The following DNAH2 variants were observed in gnomAD, a reference collection of about 807,000 sequenced individuals.
DNAH2 encodes axonemal beta dynein heavy chain 2.
Under a neutral mutation model 523.5 loss-of-function variants are expected in DNAH2, and 323 were observed. That is an observed-to-expected ratio of 0.62 (90% CI 0.56 to 0.68). The LOEUF is 0.68. Ranked by LOEUF, DNAH2 falls within the 30% of genes least tolerant of loss-of-function variation. The pLI, the probability that DNAH2 is intolerant of heterozygous loss-of-function variation, is 0.00. For missense variants in DNAH2, 4,907 were observed against 5,701.5 expected (o/e 0.86, Z 4.49); for synonymous variants, 2,093 against 2,177.4 (o/e 0.96, Z 1.08).
Position 7,807,438 on chromosome 17 carries a change from G to T in DNAH2, c.9613-32G>T, listed in dbSNP as rs1597726397. On this transcript the variant is annotated intron_variant, in intron 62 of 85. Transcript: ENST00000572933. The surrounding 1 kb of genome is among the most constrained non-coding windows in gnomAD (Gnocchi z 5.6). The stretch of plus-strand genomic sequence containing the variant: ...GGTGAGGGGGTTGGTGGGTTGGTGG[G>T]CGACTCCCACAGCCTGACTGTCTCC... 1.2e-6 allele frequency: 2 copies of T among 1,611,080 alleles called. No homozygotes were observed. Among genetic ancestry groups the T allele is most frequent in the Non-Finnish European group, 8.5e-7 (1 of 1,179,284 alleles).
chr17:7,816,133 A>G (rs1190479460), intron 63 of DNAH2, among the ~76,000 whole-genome samples: 1 of 152,038 alleles, frequency 6.6e-6, no homozygotes, highest in Non-Finnish European at 1.5e-5. Context: ...TCCCTCTAAC[A>G]GCTCTTGGGT....
At position 7,725,440 on chromosome 17, in the gene DNAH2, A is replaced by ATATATATATATATATATATATATT. The variant is rs958458949; in HGVS notation, c.229-1681_229-1680insATATATATATATATATATATATTT. ...ACTTCAAGTGAATATATATATATAT[A>ATATATATATATATATATATATATT]TTTTCTTTTTGAGACAGAGTCTTGC... On this transcript the variant is annotated intron_variant, in intron 3 of 85. Coordinates refer to ENST00000572933, the MANE Select transcript of DNAH2 (RefSeq NM_020877.5). Among the ~76,000 whole-genome samples, 111 of 130,584 alleles carry ATATATATATATATATATATATATT rather than the reference A, an allele frequency of 8.5e-4. 2 individuals carry two copies. Among genetic ancestry groups the ATATATATATATATATATATATATT allele is most frequent in the African/African-American group, 2.9e-3 (103 of 35,508 alleles). 85.7% of individuals were successfully genotyped at this position (130,584 alleles called of 152,430 possible). A position where few individuals can be genotyped will look rare whatever the true frequency, so the allele number is the denominator to read the frequency against.
chr17:7,735,804 G>A (rs181181601), intron 7 of DNAH2, among the ~76,000 whole-genome samples: 173 of 152,064 alleles, frequency 1.1e-3, no homozygotes, highest in Middle Eastern at 6.8e-3. Flanking sequence ...CCAGGCTGGA[G>A]TGCAGTAGCG....
intron 67 of DNAH2, 23 bp downstream of exon 67, chr17:7,817,879 T>TA: frequency 1.9e-6 from 3 of 1,609,534 alleles, no homozygotes; most frequent in Non-Finnish European, 2.5e-6. Flanking sequence ...GGGGTCAGGT[T>TA]AGCCCCCCCC....
At position 7,818,965 on chromosome 17, in the gene DNAH2, G is replaced by A. The variant is rs1306729248; in HGVS notation, c.10717G>A (p.Val3573Met). 6.2e-7 allele frequency: 1 copy of A among 1,612,372 alleles called. No individual in the cohort carries two copies. The highest frequency in any genetic ancestry group is 8.5e-7 in the Non-Finnish European group (1 of 1,179,958). Residue 3573 changes from valine (V) to methionine (M), a missense_variant, in exon 71 of 86, where the codon GTG becomes ATG. Around this residue, in one of 3 missense-constraint regions of DNAH2, gnomAD observed 1,851 missense variants for 2,139.4 expected, o/e 0.87. Coordinates refer to ENST00000572933, the MANE Select transcript of DNAH2 (RefSeq NM_020877.5). The part of the protein sequence containing the change: ...TGSLLDDVQL[V>M]NTLHTSKITA... ...CTCCCTGCTGGATGATGTGCAGCTG[G>A]TGAACACGCTGCATACCTCCAAGAT...
chr17:7,769,053 G>C (rs961276015), intron 24 of DNAH2, among the ~76,000 whole-genome samples: 1 of 152,170 alleles, frequency 6.6e-6, no homozygotes, highest in African/African-American at 2.4e-5. Flanking sequence ...TTCTTGCACT[G>C]TCTCGGGTCA....
At position 7,780,426 on chromosome 17, in the gene DNAH2, A is replaced by C; in HGVS notation, c.5850+142A>C. 6.9e-7 allele frequency: 1 copy of C among 1,449,800 alleles called. No individual in the cohort carries two copies. The highest frequency in any genetic ancestry group is 2.1e-5 in the Admixed American group (1 of 47,886). 89.8% of individuals were successfully genotyped at this position (1,449,800 alleles called of 1,614,324 possible). ...TTGTCAGTAGGATGTGTGGGGAGAAAAATTTAGGGGAGGGAGGTGTCTCCT... is the reference window on the plus strand; with the variant it reads ...TTGTCAGTAGGATGTGTGGGGAGAACAATTTAGGGGAGGGAGGTGTCTCCT... On this transcript the variant is annotated intron_variant, in intron 37 of 85. Coordinates refer to ENST00000572933, the MANE Select transcript of DNAH2 (RefSeq NM_020877.5). This position sits in a 1 kb window ranked among gnomAD's most constrained non-coding sequence, Gnocchi z 4.4.
intron 12 of DNAH2, among the ~76,000 whole-genome samples, chr17:7,750,606 T>C (rs2075656378): frequency 1.3e-5 from 2 of 152,206 alleles, no homozygotes; most frequent in Admixed American, 1.3e-4. Flanking sequence ...AGCCGATTTA[T>C]AGTAATTGTC....
rs1285389390 is a variant in DNAH2 at position 7,739,749 on chromosome 17, A to T, written c.1187A>T (p.Tyr396Phe). 1 of 1,613,170 alleles carries T rather than the reference A, an allele frequency of 6.2e-7. No individual in the cohort carries two copies. The highest frequency in any genetic ancestry group is 8.5e-7 in the Non-Finnish European group (1 of 1,179,986). Residue 396 changes from tyrosine (Y) to phenylalanine (F), a missense_variant, in exon 9 of 86, where the codon TAT (tyrosine) becomes TTT (phenylalanine). This residue lies in a region of DNAH2 where 2,806 missense variants were observed against 3,190.8 expected (regional missense o/e 0.88). Transcript: ENST00000572933. The stretch of plus-strand genomic sequence containing the variant: ...CTTTTTTAGGTATGTGACTGTCAGT[A>T]TCACTTCGCCCGCTGGGAAGATGGC... ...SLFRKVCDCQ[Y>F]HFARWEDGKQ...
At chr17:7,782,352 A>G (rs1216080352) in intron 39 of DNAH2, among the ~76,000 whole-genome samples, 1 of 152,164 alleles carries the variant, frequency 6.6e-6, no homozygotes, top group Non-Finnish European at 1.5e-5. Context: ...TTTCCTAACC[A>G]CACACCAGCT....
chr17:7,741,952 T>G (rs142006956), intron 11 of DNAH2, among the ~76,000 whole-genome samples: 2 of 150,358 alleles, frequency 1.3e-5, no homozygotes, highest in African/African-American at 4.9e-5. Flanking sequence ...CATGAGCCAC[T>G]GCGCCCGGCC....
intron 12 of DNAH2, among the ~76,000 whole-genome samples, chr17:7,756,741 G>A (rs1277902129): frequency 6.6e-6 from 1 of 152,188 alleles, no homozygotes; most frequent in African/African-American, 2.4e-5. Flanking sequence ...TGCGATCTCA[G>A]CTCACTGCAA....
At chr17:7,727,007 T>C in intron 3 of DNAH2, 115 bp from the exon 4 acceptor site, 3 of 1,198,406 alleles carry the variant, frequency 2.5e-6, no homozygotes, top group Non-Finnish European at 1.1e-6. Flanking sequence ...CTCCTAACCA[T>C]TCTGAACCTG....
At position 7,792,266 on chromosome 17, in the gene DNAH2, G is replaced by A. The variant is rs149189300; in HGVS notation, c.7068G>A (p.Glu2356=). The change falls in exon 46 of 86, where the codon GAG becomes GAA. Residue 2356 remains glutamate, a synonymous_variant. Transcript: ENST00000572933. ...GSFPNKDTVY[E]YFVDPKIRSW... is the part of the protein sequence containing the mutation. ...GCCCTCCTTAGGACACGGTATATGAGTATTTTGTGGACCCCAAAATACGGA... is the reference window on the plus strand; with the variant it reads ...GCCCTCCTTAGGACACGGTATATGAATATTTTGTGGACCCCAAAATACGGA... 124 of 1,613,942 alleles carry A rather than the reference G, an allele frequency of 7.7e-5. No homozygotes were observed. Among genetic ancestry groups the A allele is most frequent in the Non-Finnish European group, 9.2e-5 (108 of 1,180,010 alleles).
At chr17:7,791,079 T>G (rs2076883497) in intron 44 of DNAH2, among the ~76,000 whole-genome samples, 1 of 152,062 alleles carries the variant, frequency 6.6e-6, no homozygotes, top group Non-Finnish European at 1.5e-5. Context: ...TTTGTTTTTT[T>G]TTTTGTTTTT....
At chr17:7,719,206 C>T (rs2074518113) in intron 1 of DNAH2, among the ~76,000 whole-genome samples, 1 of 150,912 alleles carries the variant, frequency 6.6e-6, no homozygotes, top group Non-Finnish European at 1.5e-5. Flanking sequence ...TGGCTCACTG[C>T]AGCCTCTACC....
chr17:7,767,784 C>T lies in DNAH2; in HGVS notation c.3676-116C>T, dbSNP rs149994907. 1.7e-4 allele frequency: 231 copies of T among 1,346,508 alleles called. 1 individual carries two copies. The East Asian group carries it at 4.6e-3, about 27-fold the overall frequency. The allele number at this position is 1,346,508 out of a possible 1,614,324, so 83.4% of individuals were successfully genotyped here. A position where few individuals can be genotyped will look rare whatever the true frequency, so the allele number is the denominator to read the frequency against. ...AGAAAAATATGTGGACTGAGGAGGC[C>T]GCTGTATTATCTAGAGGGGAAGCTT... On this transcript the variant is annotated intron_variant, in intron 22 of 85. Transcript: ENST00000572933.
rs759383177 is a variant in DNAH2 at position 7,760,953 on chromosome 17, G to A, written c.2978+21G>A. On this transcript the variant is annotated intron_variant, in intron 18 of 85. Coordinates refer to ENST00000572933, the MANE Select transcript of DNAH2 (RefSeq NM_020877.5). The surrounding 1 kb of genome is among the most constrained non-coding windows in gnomAD (Gnocchi z 4.0). ...GCCCGGTGAGTGGTGAGGGTGGATT[G>A]AAAGTCTGTCTGTAGGAGGCACAGC... is the stretch of plus-strand genomic sequence containing the variant. 6.2e-7 allele frequency: 1 copy of A among 1,603,114 alleles called. No individual in the cohort carries two copies. The highest frequency in any genetic ancestry group is 1.1e-5 in the South Asian group (1 of 90,862).
chr17:7,820,397 C>T (rs760550197), intron 72 of DNAH2, among the ~76,000 whole-genome samples: 23 of 152,192 alleles, frequency 1.5e-4, no homozygotes, highest in Non-Finnish European at 2.5e-4. Flanking sequence ...CTGTGGCCCA[C>T]GAAAGCCCTC....
Sources: allele counts gnomAD v4.1 joint callset (sites outside exome capture counted in the v4.1 genomes callset), GRCh38; gene constraint gnomAD v4.1.1; regional missense constraint gnomAD v4.1.1; non-coding constraint Gnocchi (gnomAD v3.1); transcripts MANE v1.5; gene names NCBI Gene and HGNC (gene_info 2026-07-23, HGNC 2026-07-21).